Variants in CNTNAP3B observed in about 807,000 individuals in gnomAD.
CNTNAP3B encodes the protein contactin-associated protein-like 3B.
Under a neutral mutation model 108.9 loss-of-function variants are expected in CNTNAP3B, and 25 were observed. The ratio of observed to expected loss-of-function variants is 0.23; its 90% CI spans 0.17 to 0.32. The LOEUF is 0.32. Among genes scored for constraint, CNTNAP3B ranks in the 10% least tolerant of loss-of-function variants. The pLI is 1.00. For missense variants in CNTNAP3B, 252 were observed against 1,210.4 expected, an observed-to-expected ratio of 0.21 and a Z score of 11.75; for synonymous variants, 103 against 473.4, an observed-to-expected ratio of 0.22 and a Z score of 10.16.
chr9:41,948,872 C>T (rs1824605021), intron 13 of CNTNAP3B, among the ~76,000 whole-genome samples: 1 of 108,030 alleles, frequency 9.3e-6, no homozygotes, highest in African/African-American at 3.5e-5. Context: ...GGAAACAAGG[C>T]AAGGATGTCT....
At chr9:41,966,715 C>A (rs1197314185) in intron 10 of CNTNAP3B, among the ~76,000 whole-genome samples, 1 of 152,230 alleles carries the variant, frequency 6.6e-6, no homozygotes, top group Non-Finnish European at 1.5e-5. Flanking sequence ...CGCCTGTAAT[C>A]CCAGAACTTT....
intron 1 of CNTNAP3B, among the ~76,000 whole-genome samples, chr9:42,115,116 G>A (rs1412421874): frequency 1.4e-5 from 2 of 138,020 alleles, no homozygotes; most frequent in Non-Finnish European, 3.1e-5. Context: ...ATAAAGCAAA[G>A]TGAGTTAAAG....
intron 15 of CNTNAP3B, chr9:41,926,877 C>A (rs1416906283): frequency 6.6e-6 from 1 of 152,438 alleles, no homozygotes; most frequent in Non-Finnish European, 1.5e-5. Context: ...GGTAAATTTC[C>A]AGAGAGAAAA....
In CNTNAP3B at chr9:42,057,406, C is replaced by T. The variant is rs1405303033; in HGVS notation, c.390+19463G>A. On this transcript the variant is annotated intron_variant, in intron 3 of 23. Coordinates refer to ENST00000377561, the MANE Select transcript of CNTNAP3B (RefSeq NM_001201380.3). The stretch of plus-strand genomic sequence containing the variant: ...TTTTAGTAGAGACAGGGTTTCACCA[C>T]GTTAGCTAGTCTGCTCTCAAACTCC... Among the ~76,000 whole-genome samples, 4 of 93,292 alleles carry T rather than the reference C, an allele frequency of 4.3e-5. 1 individual carries two copies. The Admixed American group carries it at 4.5e-4, about 10-fold the overall frequency. The allele number at this position is 93,292 out of a possible 152,430, so 61.2% of individuals were successfully genotyped here.
At chr9:41,930,491 C>A (rs1823945916) in intron 14 of CNTNAP3B, among the ~76,000 whole-genome samples, 2 of 152,188 alleles carry the variant, frequency 1.3e-5, no homozygotes, top group Non-Finnish European at 2.9e-5. Flanking sequence ...TGTAGTGAGC[C>A]ATGTGTGCAA....
At chr9:41,990,871 C>A (rs541762886) in intron 8 of CNTNAP3B, among the ~76,000 whole-genome samples, 2 of 139,160 alleles carry the variant, frequency 1.4e-5, no homozygotes, top group East Asian at 4.5e-4. Flanking sequence ...GAGCCCCTAA[C>A]CTAGCATTTG....
chr9:41,982,242 T>A, intron 9 of CNTNAP3B, among the ~76,000 whole-genome samples: 3 of 57,628 alleles, frequency 5.2e-5, no homozygotes, highest in East Asian at 6.3e-4. Context: ...AACTAAAGGG[T>A]TTCTGCACAG....
At chr9:41,939,145 A>G (rs1391803596) in intron 13 of CNTNAP3B, among the ~76,000 whole-genome samples, 1,555 of 151,302 alleles carry the variant, frequency 0.01, 1 homozygote, top group African/African-American at 0.025. Context: ...TTGGGAGTGA[A>G]GATTGGGGTG....
intron 13 of CNTNAP3B, among the ~76,000 whole-genome samples, chr9:41,938,748 T>A (rs529959880): frequency 6.6e-6 from 1 of 152,278 alleles, no homozygotes; most frequent in Non-Finnish European, 1.5e-5. Context: ...ATAAAATCTA[T>A]TTGAAATTAT....
At chr9:41,941,161 G>T (rs1160976632) in intron 13 of CNTNAP3B, among the ~76,000 whole-genome samples, 11 of 150,828 alleles carry the variant, frequency 7.3e-5, no homozygotes, top group African/African-American at 2.7e-4. Context: ...AGTTGACTGT[G>T]GTAAGTCACA....
chr9:41,996,036 CA>C lies in CNTNAP3B; in HGVS notation c.1071+168del, dbSNP rs1004152804. Among the ~76,000 whole-genome samples, 187 of 139,392 alleles carry C rather than the reference CA, an allele frequency of 1.3e-3. 5 individuals are homozygous for C. The highest frequency in any genetic ancestry group is 5.1e-3 in the African/African-American group (181 of 35,640). The allele number at this position is 139,392 out of a possible 152,430, so 91.4% of individuals were successfully genotyped here. ...GGGAGACAAGAGAGAGACTCTGTCT[CA>C]AAAAAATAAATAAATAAATAAAACT... On this transcript the variant is annotated intron_variant, in intron 7 of 23. Transcript: ENST00000377561.
intron 2 of CNTNAP3B, among the ~76,000 whole-genome samples, chr9:42,086,249 C>T (rs1364444684): frequency 7.1e-6 from 1 of 141,518 alleles, no homozygotes; most frequent in Non-Finnish European, 1.5e-5. Flanking sequence ...GGAAACCGCC[C>T]CCATGATTCA....
chr9:42,079,457 C>T (rs1047611320), intron 2 of CNTNAP3B, among the ~76,000 whole-genome samples: 1 of 119,312 alleles, frequency 8.4e-6, no homozygotes, highest in Non-Finnish European at 1.7e-5. Flanking sequence ...TACAACACTA[C>T]TGAAACTGTG....
In CNTNAP3B at chr9:42,034,174, G is replaced by GTATA. The variant is rs1189654669; in HGVS notation, c.391-20650_391-20649insTATA. 1.2e-4 allele frequency among the ~76,000 whole-genome samples: 8 copies of GTATA among 67,760 alleles called. 1 individual carries two copies. In the East Asian group the frequency reaches 5.7e-3, roughly 48 times the overall value. 44.5% of individuals were successfully genotyped at this position (67,760 alleles called of 152,430 possible). A position where few individuals can be genotyped will look rare whatever the true frequency, so the allele number is the denominator to read the frequency against. ...AATCTACCTATTTATCTATATGTAT[G>GTATA]TATGTATATATGTATCTATCTATCT... is the stretch of plus-strand genomic sequence containing the variant. On this transcript the variant is annotated intron_variant, in intron 3 of 23. Transcript: ENST00000377561.
At chr9:41,947,992 T>C (rs1449490773) in intron 13 of CNTNAP3B, among the ~76,000 whole-genome samples, 1 of 150,116 alleles carries the variant, frequency 6.7e-6, no homozygotes, top group Non-Finnish European at 1.5e-5. Context: ...ATTTAAGTAA[T>C]TGTAATTATT....
chr9:41,917,191 T>C (rs1823539235), intron 18 of CNTNAP3B, among the ~76,000 whole-genome samples: 4 of 152,144 alleles, frequency 2.6e-5, no homozygotes, highest in Non-Finnish European at 4.4e-5. Context: ...ATGTCTGATA[T>C]TTCTCTGATG....
chr9:41,931,585 C>T (rs1388691736), intron 14 of CNTNAP3B, among the ~76,000 whole-genome samples: 1 of 151,378 alleles, frequency 6.6e-6, no homozygotes, highest in African/African-American at 2.4e-5. Flanking sequence ...AAAATTCAGA[C>T]TAAAACCCTG....
chr9:41,963,950 A>G (rs1282215322), intron 11 of CNTNAP3B, among the ~76,000 whole-genome samples: 2 of 151,830 alleles, frequency 1.3e-5, no homozygotes, highest in Admixed American at 6.6e-5. Flanking sequence ...TACTTTTACA[A>G]TTATTCACTT....
rs1288333311 is a variant in CNTNAP3B, at chr9:41,990,533, C to T, written c.1333+1077G>A. Among the ~76,000 whole-genome samples the T allele has an allele frequency of 4.8e-5, 6 of 124,088 alleles. 1 individual carries two copies. The highest frequency in any genetic ancestry group is 1.3e-4 in the African/African-American group (4 of 30,312). 81.4% of individuals were successfully genotyped at this position (124,088 alleles called of 152,430 possible). ...GGGTCTTGAAATCGTGCTTTCGTACCACAACATTTAATAGCAGTATAGTCA... is the reference window on the plus strand; with the variant it reads ...GGGTCTTGAAATCGTGCTTTCGTACTACAACATTTAATAGCAGTATAGTCA... On this transcript the variant is annotated intron_variant, in intron 8 of 23. Transcript: ENST00000377561.
Sources: allele counts gnomAD v4.1 joint callset (sites outside exome capture counted in the v4.1 genomes callset), GRCh38; gene constraint gnomAD v4.1.1; transcripts MANE v1.5; gene names NCBI Gene and HGNC (gene_info 2026-07-23, HGNC 2026-07-21).